The following ARPP21 variants were observed in gnomAD, a reference collection of about 807,000 sequenced individuals.
The protein encoded by ARPP21 is cAMP-regulated phosphoprotein 21.
A neutral mutation model predicts 113.2 loss-of-function variants in ARPP21; 69 were observed. The ratio of observed to expected loss-of-function variants is 0.61; its 90% CI spans 0.50 to 0.74. The LOEUF is 0.74. Among genes scored for constraint, ARPP21 ranks in the 30% least tolerant of loss-of-function variants. The pLI is 0.00. For missense variants in ARPP21, 1,070 were observed against 1,037.4 expected (o/e 1.03, Z -0.43); for synonymous variants, 368 against 375.5 (o/e 0.98, Z 0.23).
At chr3:35,691,444 C>T (rs1293320574) in intron 9 of ARPP21, among the ~76,000 whole-genome samples, 1 of 151,516 alleles carries the variant, frequency 6.6e-6, no homozygotes, top group Non-Finnish European at 1.5e-5. Context: ...TAATAAAAAG[C>T]TCCGAACCTA....
chr3:35,672,940 C>T (rs2076698787), intron 1 of ARPP21, among the ~76,000 whole-genome samples: 1 of 151,966 alleles, frequency 6.6e-6, no homozygotes, highest in South Asian at 2.1e-4. Flanking sequence ...CCCTGTAGTA[C>T]TCAGTAAAAG....
intron 6 of ARPP21, 49 bp from the exon 7 acceptor site, chr3:35,689,258 C>G: frequency 1.2e-6 from 1 of 868,072 alleles, no homozygotes; most frequent in Admixed American, 1.7e-5. Context: ...TTTTCTACCC[C>G]ACCTTTCCAC....
At chr3:35,683,095 A>T (rs1364336691) in intron 4 of ARPP21, among the ~76,000 whole-genome samples, 2 of 151,604 alleles carry the variant, frequency 1.3e-5, no homozygotes, top group Non-Finnish European at 3.0e-5. Flanking sequence ...TAGTTAGAGG[A>T]TTTAGTGTTC....
intron 19 of ARPP21, chr3:35,781,404 A>G (rs2096525823): frequency 6.6e-6 from 1 of 152,226 alleles, no homozygotes; most frequent in Non-Finnish European, 1.5e-5. Context: ...GGGATGATTG[A>G]AAGAGTCTTC....
At chr3:35,714,619 A>G (rs2092068663) in intron 11 of ARPP21, among the ~76,000 whole-genome samples, 1 of 152,154 alleles carries the variant, frequency 6.6e-6, no homozygotes, top group African/African-American at 2.4e-5. Context: ...CTATTATAGG[A>G]CCACAGCACC....
At chr3:35,672,319 C>G (rs1465926600) in intron 1 of ARPP21, among the ~76,000 whole-genome samples, 1 of 152,058 alleles carries the variant, frequency 6.6e-6, no homozygotes, top group Non-Finnish European at 1.5e-5. Context: ...GATAGACCCA[C>G]TATCACAGAG....
At chr3:35,710,542 AACACACACACACACAC>A (rs3086903) in intron 11 of ARPP21, among the ~76,000 whole-genome samples, 28 of 132,960 alleles carry the variant, frequency 2.1e-4, no homozygotes, top group East Asian at 1.2e-3. Context: ...CTCTCTCTCA[AACACACACACACACAC>A]ACACACACAC....
chr3:35,793,856 GA>G lies in ARPP21; in HGVS notation c.2443del (p.Ile815LeufsTer12). ...CCACCCCTCAGAACAACCTTAGGCT[GA>G]TTGGCCCACACTGCCCCTCCAGCAC... is the stretch of plus-strand genomic sequence containing the variant. ...PPTPQNNLRL[I>X]GPHCPSSTVP... On this transcript the variant is annotated frameshift_variant, in exon 21 of 21. Coordinates refer to ENST00000684406, the MANE Select transcript of ARPP21 (RefSeq NM_001385562.1). LOFTEE classifies it high-confidence loss of function. The G allele has an allele frequency of 6.2e-7, 1 of 1,614,198 alleles. No homozygotes were observed. Among genetic ancestry groups the G allele is most frequent in the Non-Finnish European group, 8.5e-7 (1 of 1,180,032 alleles).
At chr3:35,676,955 G>T (rs955670535) in intron 1 of ARPP21, among the ~76,000 whole-genome samples, 6 of 151,856 alleles carry the variant, frequency 4.0e-5, no homozygotes, top group African/African-American at 1.2e-4. Flanking sequence ...TATACAAGTG[G>T]TTTTCATTTA....
chr3:35,747,651 T>C (rs150610509), intron 19 of ARPP21, among the ~76,000 whole-genome samples: 2 of 152,222 alleles, frequency 1.3e-5, no homozygotes, highest in East Asian at 1.9e-4. Flanking sequence ...GGCATGGTGG[T>C]ACTTGCCAGT....
At chr3:35,641,707 T>C (rs1698133714) in intron 1 of ARPP21, 1 of 152,204 alleles carries the variant, frequency 6.6e-6, no homozygotes, top group Non-Finnish European at 1.5e-5. Context: ...TTTCAAGGTA[T>C]GTATTTGTGT....
At chr3:35,676,203 C>T (rs2077440947) in intron 1 of ARPP21, among the ~76,000 whole-genome samples, 1 of 151,918 alleles carries the variant, frequency 6.6e-6, no homozygotes, top group South Asian at 2.1e-4. Context: ...TTTTTATTGA[C>T]AACAGACTTT....
At chr3:35,745,308 T>C (rs1435932170) in intron 19 of ARPP21, among the ~76,000 whole-genome samples, 2 of 152,238 alleles carry the variant, frequency 1.3e-5, no homozygotes, top group Non-Finnish European at 1.5e-5. Context: ...TAGAAATGTG[T>C]TGCTTGCATT....
rs757542723 is a variant in ARPP21, at chr3:35,667,841, AAAGAAG to A, written c.-212-11902_-212-11897del. On this transcript the variant is annotated intron_variant, in intron 1 of 20. Transcript: ENST00000684406. Reference sequence around the variant, plus strand: ...GATCACCTGCAGTACTTTTATTCTCAAAGAAGAAGAAGAAGAAGAAGAAGAAGAAGA... The same window carrying A: ...GATCACCTGCAGTACTTTTATTCTCAAAGAAGAAGAAGAAGAAGAAGAAGA... 2.1e-3 allele frequency among the ~76,000 whole-genome samples: 170 copies of A among 81,542 alleles called. 5 individuals are homozygous for A. The highest frequency in any genetic ancestry group is 2.1e-3 in the Non-Finnish European group (96 of 44,840). 53.5% of individuals were successfully genotyped at this position (81,542 alleles called of 152,430 possible).
intron 19 of ARPP21, among the ~76,000 whole-genome samples, chr3:35,767,779 C>G (rs965308445): frequency 2.6e-5 from 4 of 152,030 alleles, no homozygotes; most frequent in African/African-American, 9.7e-5. Context: ...CTAAGAACTT[C>G]ATAAACCTCC....
At chr3:35,668,479 C>T (rs1204318022) in intron 1 of ARPP21, among the ~76,000 whole-genome samples, 4 of 152,036 alleles carry the variant, frequency 2.6e-5, no homozygotes, top group Non-Finnish European at 4.4e-5. Flanking sequence ...GGAGTATGCC[C>T]AAGCCCCATA....
At chr3:35,756,761 C>T (rs1323449679) in intron 19 of ARPP21, among the ~76,000 whole-genome samples, 1 of 151,994 alleles carries the variant, frequency 6.6e-6, no homozygotes, top group African/African-American at 2.4e-5. Flanking sequence ...CTTTATAAGC[C>T]ACTGTGTGTC....
chr3:35,684,848 G>T, intron 5 of ARPP21: 3 of 982,414 alleles, frequency 3.1e-6, no homozygotes, highest in Non-Finnish European at 2.4e-6. Context: ...ATGTCATAAG[G>T]CATGGACAGG....
At chr3:35,648,445 G>C (rs1482982241) in intron 1 of ARPP21, among the ~76,000 whole-genome samples, 1 of 152,142 alleles carries the variant, frequency 6.6e-6, no homozygotes, top group African/African-American at 2.4e-5. Flanking sequence ...GGTGACATGA[G>C]AGAAACATTT....
Sources: gnomAD v4.1 joint callset for allele counts (sites outside exome capture counted in the v4.1 genomes callset) on GRCh38, gnomAD v4.1.1 for gene constraint, MANE v1.5 for transcripts, NCBI Gene and HGNC (gene_info 2026-07-23, HGNC 2026-07-21) for gene names.